ME1: variants seen among roughly 807,000 people sequenced by gnomAD.
The protein encoded by ME1 is malic enzyme 1, also known as NADP-dependent malic enzyme.
ME1 carries 74 observed loss-of-function variants against 66.4 expected under a neutral mutation model. That is an observed-to-expected ratio of 1.11 (90% CI 0.92 to 1.35). The LOEUF is 1.35. ME1 is among the 40% of genes most tolerant of loss of function. The probability of loss-of-function intolerance (pLI) is 0.00; values close to 1 mark genes in which losing one functional copy is unlikely to be tolerated. For missense variants in ME1, 750 were observed against 694.1 expected, an observed-to-expected ratio of 1.08 and a Z score of -0.90; for synonymous variants, 251 against 235.6, an observed-to-expected ratio of 1.07 and a Z score of -0.60.
intron 3 of ME1, among the ~76,000 whole-genome samples, chr6:83,360,153 C>T (rs1233276005): frequency 6.6e-6 from 1 of 152,186 alleles, no homozygotes; most frequent in African/African-American, 2.4e-5. Context: ...AGCCAGTTTA[C>T]AAACCCACAA....
intron 1 of ME1, among the ~76,000 whole-genome samples, chr6:83,411,834 T>G (rs1770053660): frequency 6.6e-6 from 1 of 152,182 alleles, no homozygotes; most frequent in African/African-American, 2.4e-5. Flanking sequence ...GATCCTGGTT[T>G]TTCTCCTTTT....
intron 1 of ME1, 117 bp downstream of exon 1, chr6:83,430,760 C>T: frequency 1.1e-6 from 1 of 903,248 alleles, no homozygotes; most frequent in South Asian, 1.7e-5. Context: ...GGCCGCTCAC[C>T]GGGAACCTTC....
chr6:83,328,260 G>C (rs1768339743), intron 5 of ME1, among the ~76,000 whole-genome samples: 1 of 152,078 alleles, frequency 6.6e-6, no homozygotes, highest in South Asian at 2.1e-4. Context: ...AGTGGGAACT[G>C]AACAATGAGA....
intron 1 of ME1, among the ~76,000 whole-genome samples, chr6:83,409,417 T>C (rs545672599): frequency 5.9e-5 from 9 of 152,134 alleles, no homozygotes; most frequent in Non-Finnish European, 1.0e-4. Flanking sequence ...ATAAAGTGTA[T>C]TACTAGAGGG....
intron 3 of ME1, among the ~76,000 whole-genome samples, chr6:83,360,594 C>T (rs9800770): frequency 0.33 from 50,706 of 151,976 alleles, 8,832 homozygotes; most frequent in Middle Eastern, 0.49. Context: ...GGTAGGAAAG[C>T]CCAAATGGAA....
At chr6:83,423,483 T>C (rs561158582) in intron 1 of ME1, among the ~76,000 whole-genome samples, 2 of 151,652 alleles carry the variant, frequency 1.3e-5, no homozygotes, top group African/African-American at 4.9e-5. Flanking sequence ...TTAAACTCTT[T>C]AAAATATGTG....
intron 6 of ME1, among the ~76,000 whole-genome samples, chr6:83,293,452 T>C (rs1056468261): frequency 6.6e-6 from 1 of 152,220 alleles, no homozygotes; most frequent in Admixed American, 6.5e-5. Context: ...CTAGTTTCTG[T>C]TTCTACTTTC....
intron 12 of ME1, among the ~76,000 whole-genome samples, chr6:83,218,180 C>A (rs1237212087): frequency 6.6e-6 from 1 of 152,122 alleles, no homozygotes. Context: ...AGTCACCAAA[C>A]AAGTGGGGCT....
At chr6:83,215,360 T>C (rs187821191) in intron 13 of ME1, among the ~76,000 whole-genome samples, 125 of 152,296 alleles carry the variant, frequency 8.2e-4, no homozygotes, top group Non-Finnish European at 1.7e-3. Context: ...CCAGGAATGC[T>C]GCTGAAGATT....
In ME1 at chr6:83,345,916, T is replaced by C. The variant is rs995708239; in HGVS notation, c.600+257A>G. Among the ~76,000 whole-genome samples the C allele has an allele frequency of 3.9e-5, 6 of 152,208 alleles. No individual in the cohort carries two copies. In the South Asian group the frequency reaches 1.2e-3, roughly 32 times the overall value. ...GCCTTAAAGTAAAACATATATTCTA[T>C]AGAATAATGGTGTAAATACATATCA... On this transcript the variant is annotated intron_variant, in intron 5 of 13. Coordinates refer to ENST00000369705, the MANE Select transcript of ME1 (RefSeq NM_002395.6).
intron 3 of ME1, among the ~76,000 whole-genome samples, chr6:83,362,329 T>C (rs566135847): frequency 2.0e-5 from 3 of 152,300 alleles, no homozygotes; most frequent in South Asian, 4.1e-4. Flanking sequence ...TCAAAAACTG[T>C]GAAGATATTT....
intron 11 of ME1, among the ~76,000 whole-genome samples, chr6:83,224,251 C>T (rs1170163985): frequency 6.6e-6 from 1 of 151,968 alleles, no homozygotes; most frequent in Non-Finnish European, 1.5e-5. Context: ...TATAGGCTTC[C>T]AATTATAGAC....
chr6:83,227,249 A>T, intron 11 of ME1, 86 bp downstream of exon 11: 1 of 920,844 alleles, frequency 1.1e-6, no homozygotes, highest in Non-Finnish European at 1.5e-6. Context: ...TTTTAAACTT[A>T]AACAGTAAGC....
intron 1 of ME1, among the ~76,000 whole-genome samples, chr6:83,419,084 G>A (rs560422535): frequency 1.8e-3 from 270 of 152,258 alleles, no homozygotes; most frequent in Non-Finnish European, 2.9e-3. Context: ...GAACCTGAGT[G>A]GGCAAGTCCT....
chr6:83,300,597 CCTTT>C (rs1260091046), intron 6 of ME1, among the ~76,000 whole-genome samples: 41 of 141,960 alleles, frequency 2.9e-4, no homozygotes, highest in Non-Finnish European at 4.7e-4. Context: ...CTTTTATTTT[CCTTT>C]CTTTCTTTCT....
chr6:83,233,241 G>A (rs995956169), intron 9 of ME1, among the ~76,000 whole-genome samples: 11 of 151,700 alleles, frequency 7.3e-5, no homozygotes, highest in Admixed American at 1.3e-4. Context: ...GTTTTGGAAG[G>A]TTTTTTAAAA....
At chr6:83,222,495 G>GT (rs1790112891) in intron 12 of ME1, among the ~76,000 whole-genome samples, 1 of 152,204 alleles carries the variant, frequency 6.6e-6, no homozygotes, top group Admixed American at 6.5e-5. Context: ...CTTTGGATCA[G>GT]TTCAGCTGCA....
intron 9 of ME1, chr6:83,229,257 T>C: frequency 2.4e-6 from 1 of 425,332 alleles, no homozygotes; most frequent in Non-Finnish European, 4.5e-6. Context: ...TAAATAATTA[T>C]ATTGTTCGTC....
chr6:83,430,852 C>T (rs1562012686), intron 1 of ME1, 25 bp downstream of exon 1: 3 of 1,578,342 alleles, frequency 1.9e-6, no homozygotes, highest in Non-Finnish European at 1.7e-6. Context: ...GGCCGATGGG[C>T]GGCCAGGTGG....
Sources: allele counts gnomAD v4.1 joint callset (sites outside exome capture counted in the v4.1 genomes callset), GRCh38; gene constraint gnomAD v4.1.1; transcripts MANE v1.5; gene names NCBI Gene and HGNC (gene_info 2026-07-23, HGNC 2026-07-21).